Variants in PDZD2 observed in about 807,000 individuals in gnomAD.
The protein encoded by PDZD2 is PDZ domain containing 2.
In PDZD2, 90 loss-of-function variants were observed where a neutral mutation model predicts 220.7. The observed-to-expected ratio is 0.41, with a 90% CI of 0.34 to 0.49. The LOEUF (loss-of-function observed/expected upper bound fraction) is 0.49, where lower values mean the gene tolerates loss of function less well. PDZD2 is among the 20% of genes least tolerant of loss of function. PDZD2 has a pLI of 0.28. For synonymous variants in PDZD2, 1,375 were observed against 1,450.5 expected, an observed-to-expected ratio of 0.95 and a Z score of 1.18; for missense variants, 3,174 against 3,608.5, an observed-to-expected ratio of 0.88 and a Z score of 3.08.
chr5:31,776,917 C>T (rs1209131696), intron 1 of PDZD2, among the ~76,000 whole-genome samples: 2 of 152,022 alleles, frequency 1.3e-5, no homozygotes, highest in African/African-American at 4.8e-5. Context: ...CCTTGGCCTC[C>T]CAAAATGCTA....
At chr5:31,791,250 C>T (rs181978052) in intron 1 of PDZD2, among the ~76,000 whole-genome samples, 111 of 152,208 alleles carry the variant, frequency 7.3e-4, no homozygotes, top group Non-Finnish European at 2.6e-4. Flanking sequence ...CTCTTTATCT[C>T]TGATTGCTTA....
intron 1 of PDZD2, among the ~76,000 whole-genome samples, chr5:31,737,167 CTTTT>C (rs57379430): frequency 4.5e-5 from 3 of 66,320 alleles, no homozygotes; most frequent in African/African-American, 6.4e-5. Context: ...CAGTCTACTT[CTTTT>C]TTTTTTTTTT....
At chr5:31,870,096 G>T (rs903022392) in intron 2 of PDZD2, among the ~76,000 whole-genome samples, 33 of 152,170 alleles carry the variant, frequency 2.2e-4, no homozygotes, top group African/African-American at 7.0e-4. Flanking sequence ...CTGTTTCTGT[G>T]TTCTTGGGAC....
intron 2 of PDZD2, among the ~76,000 whole-genome samples, chr5:31,949,689 A>C (rs10069920): frequency 0.32 from 43,337 of 135,984 alleles, 6,743 homozygotes; most frequent in Middle Eastern, 0.45. Flanking sequence ...TTTTTTTTTA[A>C]CAAGACGGAA....
chr5:31,965,867 C>G (rs1383053527), intron 2 of PDZD2, among the ~76,000 whole-genome samples: 2 of 152,104 alleles, frequency 1.3e-5, no homozygotes, highest in Non-Finnish European at 2.9e-5. Flanking sequence ...CCATTGCACT[C>G]CAGCCTGGGC....
At chr5:31,665,725 G>A (rs1745964244) in intron 1 of PDZD2, among the ~76,000 whole-genome samples, 1 of 145,568 alleles carries the variant, frequency 6.9e-6, no homozygotes, top group African/African-American at 2.5e-5. Flanking sequence ...AGTTTCCTGA[G>A]GCCTTCCCAG....
At chr5:32,095,826 C>T (rs1743623840) in intron 21 of PDZD2, among the ~76,000 whole-genome samples, 1 of 151,138 alleles carries the variant, frequency 6.6e-6, no homozygotes, top group African/African-American at 2.4e-5. Flanking sequence ...CTGCAAGCTC[C>T]ACCTCCTGGG....
At chr5:31,899,508 C>T (rs530720779) in intron 2 of PDZD2, among the ~76,000 whole-genome samples, 6 of 152,326 alleles carry the variant, frequency 3.9e-5, no homozygotes, top group Admixed American at 3.3e-4. Flanking sequence ...GCTGACAGCA[C>T]AGTCTCAGTA....
intron 1 of PDZD2, among the ~76,000 whole-genome samples, chr5:31,711,307 G>A (rs1254708655): frequency 6.6e-6 from 1 of 152,192 alleles, no homozygotes; most frequent in East Asian, 1.9e-4. Flanking sequence ...ACCAGAACAT[G>A]TACTGTGCCC....
At chr5:31,877,639 T>G (rs1397349389) in intron 2 of PDZD2, among the ~76,000 whole-genome samples, 1 of 152,178 alleles carries the variant, frequency 6.6e-6, no homozygotes, top group Non-Finnish European at 1.5e-5. Context: ...GGAAAATTGC[T>G]TCACAGAAAT....
chr5:31,937,516 C>T (rs1472789791), intron 2 of PDZD2, among the ~76,000 whole-genome samples: 2 of 152,204 alleles, frequency 1.3e-5, no homozygotes, highest in Admixed American at 1.3e-4. Context: ...CTGTGGTCAT[C>T]CTCATGCCGT....
intron 2 of PDZD2, chr5:31,847,881 C>T: frequency 2.0e-6 from 1 of 502,900 alleles, no homozygotes; most frequent in Admixed American, 2.1e-5. Flanking sequence ...CAGAATGTTG[C>T]AGATTACATG....
At chr5:31,658,045 C>T (rs1405129303) in intron 1 of PDZD2, among the ~76,000 whole-genome samples, 4 of 152,212 alleles carry the variant, frequency 2.6e-5, no homozygotes, top group Non-Finnish European at 4.4e-5. Flanking sequence ...GCATTTTCTG[C>T]CCCTATGTGC....
At chr5:31,779,373 CTTTTTTT>C (rs58290929) in intron 1 of PDZD2, among the ~76,000 whole-genome samples, 8 of 106,668 alleles carry the variant, frequency 7.5e-5, no homozygotes, top group African/African-American at 2.8e-4. Flanking sequence ...TTGTGAATCT[CTTTTTTT>C]TTTTTTTTTT....
chr5:31,967,343 T>A (rs1035049024), intron 2 of PDZD2, among the ~76,000 whole-genome samples: 1 of 152,068 alleles, frequency 6.6e-6, no homozygotes, highest in African/African-American at 2.4e-5. Flanking sequence ...CTGAGGAAGG[T>A]AAGGAGAGTG....
intron 3 of PDZD2, among the ~76,000 whole-genome samples, chr5:31,988,855 G>C (rs1750941725): frequency 6.6e-6 from 1 of 152,040 alleles, no homozygotes; most frequent in Non-Finnish European, 1.5e-5. Flanking sequence ...CCTTTCCTAG[G>C]GGACCAAGCC....
In PDZD2 at chr5:31,784,925, C is replaced by T. The variant is rs1042437336; in HGVS notation, c.-360-13964C>T. ...CCGTCTCAAAAAAAAAAAAGGTAGT[C>T]ATGACTTTTCTAATGTTTTCTAGTA... On this transcript the variant is annotated intron_variant, in intron 1 of 24. Coordinates refer to ENST00000438447, the MANE Select transcript of PDZD2 (RefSeq NM_178140.4). Among the ~76,000 whole-genome samples, 12 of 151,786 alleles carry T rather than the reference C, an allele frequency of 7.9e-5. No homozygotes were observed. In the East Asian group the frequency reaches 2.1e-3, roughly 27 times the overall value.
rs1329948823 is a variant in PDZD2, at chr5:32,000,316, G to A, written c.1254+45G>A. 1 of 1,606,958 alleles carries A rather than the reference G, an allele frequency of 6.2e-7. No individual in the cohort carries two copies. The highest frequency in any genetic ancestry group is 1.7e-5 in the Admixed American group (1 of 59,992). ...TGGTACTCGTAATGGTGGCAGTGGT[G>A]AGTTGGGGTTGAGCCCCACCTCCCA... On this transcript the variant is annotated intron_variant, in intron 5 of 24. Transcript: ENST00000438447. This position sits in a 1 kb window ranked among gnomAD's most constrained non-coding sequence, Gnocchi z 4.5.
intron 7 of PDZD2, among the ~76,000 whole-genome samples, chr5:32,045,590 T>TG (rs963333219): frequency 8.1e-5 from 12 of 149,008 alleles, no homozygotes; most frequent in African/African-American, 2.5e-4. Context: ...GCCCAGCTGT[T>TG]TTTTTTTTTT....
Sources: gnomAD v4.1 joint callset for allele counts (sites outside exome capture counted in the v4.1 genomes callset) on GRCh38, gnomAD v4.1.1 for gene constraint, Gnocchi (gnomAD v3.1) non-coding constraint, MANE v1.5 for transcripts, NCBI Gene and HGNC (gene_info 2026-07-23, HGNC 2026-07-21) for gene names.